The following CNTNAP2 variants were observed in gnomAD, a reference collection of about 807,000 sequenced individuals.
CNTNAP2 encodes the protein contactin-associated protein-like 2.
In CNTNAP2, 98 loss-of-function variants were observed where a neutral mutation model predicts 155.2. The ratio of observed to expected loss-of-function variants is 0.63; its 90% CI spans 0.54 to 0.75. CNTNAP2 has a LOEUF of 0.75. CNTNAP2 is among the 30% of genes least tolerant of loss of function. The pLI is 0.00. For missense variants in CNTNAP2, 1,727 were observed against 1,688.1 expected (o/e 1.02, Z -0.40); for synonymous variants, 651 against 631.2 (o/e 1.03, Z -0.47).
At chr7:147,882,568 A>T (rs1799539417) in intron 13 of CNTNAP2, among the ~76,000 whole-genome samples, 1 of 152,122 alleles carries the variant, frequency 6.6e-6, no homozygotes, top group Non-Finnish European at 1.5e-5. Context: ...CTGGAGACAT[A>T]ACTGCCGACC....
chr7:147,365,267 G>C (rs949895832), intron 9 of CNTNAP2, among the ~76,000 whole-genome samples: 6 of 151,412 alleles, frequency 4.0e-5, no homozygotes, highest in Non-Finnish European at 7.4e-5. Context: ...AGCCAGGTGT[G>C]GTGGCGGGTA....
At chr7:146,669,371 C>T (rs1308466516) in intron 1 of CNTNAP2, among the ~76,000 whole-genome samples, 3 of 152,098 alleles carry the variant, frequency 2.0e-5, no homozygotes, top group Non-Finnish European at 4.4e-5. Flanking sequence ...TCTTTACCCA[C>T]TCTTAGAATT....
intron 3 of CNTNAP2, among the ~76,000 whole-genome samples, chr7:147,040,562 G>A (rs951172861): frequency 2.0e-5 from 3 of 146,908 alleles, no homozygotes; most frequent in Admixed American, 7.0e-5. Context: ...CTGGGTTCAA[G>A]TGATTCTCCT....
intron 20 of CNTNAP2, among the ~76,000 whole-genome samples, chr7:148,256,889 T>C (rs963933777): frequency 1.3e-5 from 2 of 151,956 alleles, no homozygotes; most frequent in South Asian, 4.2e-4. Flanking sequence ...AATTAATACA[T>C]TAGTTAATTA....
Position 146,497,460 on chromosome 7 carries a change from A to G in CNTNAP2, c.98-276811A>G, listed in dbSNP as rs1043206669. On this transcript the variant is annotated intron_variant, in intron 1 of 23. Transcript: ENST00000361727. ...TTAATATGCTTCTTCCTTCCAGTAAACAACACTTCTCTTTTTTTGGAGAGT... is the reference window on the plus strand; with the variant it reads ...TTAATATGCTTCTTCCTTCCAGTAAGCAACACTTCTCTTTTTTTGGAGAGT... Among the ~76,000 whole-genome samples the G allele has an allele frequency of 6.6e-5, 10 of 152,224 alleles. No homozygotes were observed. The East Asian group carries it at 1.9e-3, about 29-fold the overall frequency.
In CNTNAP2 at chr7:148,331,941, G is replaced by A. The variant is rs187971196; in HGVS notation, c.3476-51708G>A. Among the ~76,000 whole-genome samples the A allele has an allele frequency of 5.9e-5, 9 of 152,222 alleles. No individual in the cohort carries two copies. The East Asian group carries it at 7.7e-4, about 13-fold the overall frequency. On this transcript the variant is annotated intron_variant, in intron 21 of 23. Coordinates refer to ENST00000361727, the MANE Select transcript of CNTNAP2 (RefSeq NM_014141.6). ...AAATGGAGCTGCCTGCCTGCCTCAC[G>A]AGCACCTTTCACCATTTTGATCACA...
At chr7:146,323,701 A>G (rs1449496887) in intron 1 of CNTNAP2, among the ~76,000 whole-genome samples, 1 of 152,188 alleles carries the variant, frequency 6.6e-6, no homozygotes, top group African/African-American at 2.4e-5. Flanking sequence ...TAGGACAAGC[A>G]TATTTCCAGG....
chr7:146,450,153 C>A (rs1329643808), intron 1 of CNTNAP2, among the ~76,000 whole-genome samples: 1 of 152,150 alleles, frequency 6.6e-6, no homozygotes, highest in Non-Finnish European at 1.5e-5. Context: ...AGGTAATAGT[C>A]ATAATACATT....
Position 148,229,701 on chromosome 7 carries a change from C to A in CNTNAP2, c.3303C>A (p.Asp1101Glu), listed in dbSNP as rs772181075. The change falls in exon 20 of 24, where the codon GAC becomes GAA. Residue 1101 changes from aspartate to glutamate, a missense_variant. Transcript: ENST00000361727. Reference protein sequence around the residue: ...LGGTREPYNIDVDHRNMANGQ... With the variant: ...LGGTREPYNIEVDHRNMANGQ... ...GCACCCGAGAGCCATACAATATTGA[C>A]GTAGACCACAGGAACATGGCCAATG... 6.2e-7 allele frequency: 1 copy of A among 1,614,132 alleles called. No individual in the cohort carries two copies.
At chr7:147,946,339 C>G (rs1800819696) in intron 14 of CNTNAP2, among the ~76,000 whole-genome samples, 1 of 151,886 alleles carries the variant, frequency 6.6e-6, no homozygotes, top group South Asian at 2.1e-4. Context: ...GACAGAAAGC[C>G]AAGTGTATAA....
intron 1 of CNTNAP2, among the ~76,000 whole-genome samples, chr7:146,132,073 C>T (rs1000762940): frequency 6.6e-6 from 1 of 152,304 alleles, no homozygotes; most frequent in Admixed American, 6.5e-5. Context: ...TTCTTTATAG[C>T]ATTGCGAGAA....
intron 10 of CNTNAP2, among the ~76,000 whole-genome samples, chr7:147,416,402 A>C (rs746775917): frequency 1.3e-5 from 2 of 152,176 alleles, no homozygotes; most frequent in Non-Finnish European, 2.9e-5. Flanking sequence ...CCAACTCCAC[A>C]TTGAGCCAAT....
chr7:147,723,814 A>G (rs1237605216), intron 13 of CNTNAP2, among the ~76,000 whole-genome samples: 9 of 152,040 alleles, frequency 5.9e-5, no homozygotes. Flanking sequence ...ACACATATGC[A>G]TTGCCTAACG....
intron 13 of CNTNAP2, among the ~76,000 whole-genome samples, chr7:147,824,690 A>C (rs1426121669): frequency 6.6e-6 from 1 of 150,850 alleles, no homozygotes; most frequent in African/African-American, 2.4e-5. Flanking sequence ...AAATTGTCCC[A>C]AAACACAATA....
chr7:147,404,404 C>T (rs538914753), intron 10 of CNTNAP2, among the ~76,000 whole-genome samples: 5 of 152,116 alleles, frequency 3.3e-5, no homozygotes, highest in African/African-American at 4.8e-5. Context: ...TATAGAAAAA[C>T]GTCAGTTTTC....
intron 3 of CNTNAP2, among the ~76,000 whole-genome samples, chr7:146,954,851 T>C (rs1797400994): frequency 2.0e-5 from 3 of 151,972 alleles, no homozygotes. Context: ...TCACCTTTAT[T>C]CAATTGTCCC....
intron 1 of CNTNAP2, among the ~76,000 whole-genome samples, chr7:146,622,923 C>T (rs1267601289): frequency 6.7e-6 from 1 of 148,944 alleles, no homozygotes; most frequent in Non-Finnish European, 1.5e-5. Flanking sequence ...TGCCATTGCA[C>T]TCTAGCCTGG....
chr7:146,638,626 A>G (rs1799649283), intron 1 of CNTNAP2, among the ~76,000 whole-genome samples: 2 of 151,244 alleles, frequency 1.3e-5, no homozygotes, highest in East Asian at 2.0e-4. Context: ...CTGGGACTAC[A>G]GGCACCCGCC....
chr7:147,775,289 A>T (rs1797552535), intron 13 of CNTNAP2, among the ~76,000 whole-genome samples: 1 of 57,976 alleles, frequency 1.7e-5, no homozygotes, highest in South Asian at 4.5e-4. Flanking sequence ...TTATAAATAT[A>T]TATATTTATA....
Sources: gnomAD v4.1 joint callset for allele counts (sites outside exome capture counted in the v4.1 genomes callset) on GRCh38, gnomAD v4.1.1 for gene constraint, MANE v1.5 for transcripts, NCBI Gene and HGNC (gene_info 2026-07-23, HGNC 2026-07-21) for gene names.